Variants in P3H2 observed in about 807,000 individuals in gnomAD.
P3H2 encodes prolyl 3-hydroxylase 2, also known as leprecan-like 1.
A neutral mutation model predicts 87.0 loss-of-function variants in P3H2; 80 were observed. That is an observed-to-expected ratio of 0.92 (90% CI 0.77 to 1.11). The LOEUF (loss-of-function observed/expected upper bound fraction) is 1.11, where lower values mean the gene tolerates loss of function less well. Among genes scored for constraint, P3H2 ranks in the 50% least tolerant of loss-of-function variants. The pLI is 0.00. For synonymous variants in P3H2, 367 were observed against 359.3 expected (o/e 1.02, Z -0.24); for missense variants, 1,001 against 923.9 (o/e 1.08, Z -1.08).
chr3:189,985,223 G>T (rs1407048481), intron 6 of P3H2, among the ~76,000 whole-genome samples: 1 of 151,890 alleles, frequency 6.6e-6, no homozygotes, highest in East Asian at 1.9e-4. Context: ...ATCATTTGAA[G>T]AACTTACATA....
intron 8 of P3H2, among the ~76,000 whole-genome samples, chr3:189,975,646 C>G (rs561331524): frequency 6.6e-6 from 1 of 152,266 alleles, no homozygotes; most frequent in East Asian, 1.9e-4. Flanking sequence ...CCAGGTCTAG[C>G]AAAGGTCACC....
chr3:190,095,756 A>G (rs6783165), intron 1 of P3H2, among the ~76,000 whole-genome samples: 6,227 of 151,858 alleles, frequency 0.041, 322 homozygotes, highest in African/African-American at 0.12. Context: ...GCCCGCCACC[A>G]CGCCTGGCTA....
chr3:189,988,914 G>A lies in P3H2; in HGVS notation c.948C>T (p.Tyr316=). The A allele has an allele frequency of 6.2e-7, 1 of 1,614,080 alleles. No individual in the cohort carries two copies. Among genetic ancestry groups the A allele is most frequent in the African/African-American group, 1.3e-5 (1 of 75,012 alleles). The change falls in exon 4 of 15, where the codon TAC becomes TAT. Residue 316 remains tyrosine (Y), a synonymous_variant. Coordinates refer to ENST00000319332, the MANE Select transcript of P3H2 (RefSeq NM_018192.4). ...GGATGATCCACGCTTTACCTCGATA[G>A]TAGGCAAACTGTAGGTAATCATAGT... ...PLHYDYLQFA[Y]YRVGEYVKAL...
chr3:189,970,669 T>C (rs1211341715), intron 13 of P3H2, 147 bp downstream of exon 13: 8 of 630,754 alleles, frequency 1.3e-5, no homozygotes, highest in African/African-American at 5.5e-5. Context: ...TAACAGTTTA[T>C]GATCTATACA....
Position 190,007,965 on chromosome 3 carries a change from C to CACACATATATATATAT in P3H2, c.481-12524_481-12523insATATATATATATGTGT. Reference sequence around the variant, plus strand: ...GCCTGAGACTCTATTTGTTGACACACATATATATATATATATATATAGTAA... The same window carrying CACACATATATATATAT: ...GCCTGAGACTCTATTTGTTGACACACACACATATATATATATATATATATATATATATATATAGTAA... On this transcript the variant is annotated intron_variant, in intron 1 of 14. Transcript: ENST00000319332. 2.1e-3 allele frequency among the ~76,000 whole-genome samples: 197 copies of CACACATATATATATAT among 94,338 alleles called. 3 individuals carry two copies. Among genetic ancestry groups the CACACATATATATATAT allele is most frequent in the African/African-American group, 7.5e-3 (192 of 25,614 alleles). The allele number at this position is 94,338 out of a possible 152,430, so 61.9% of individuals were successfully genotyped here.
chr3:190,029,302 G>A (rs1401960709), intron 1 of P3H2, among the ~76,000 whole-genome samples: 1 of 152,160 alleles, frequency 6.6e-6, no homozygotes, highest in Non-Finnish European at 1.5e-5. Context: ...TAATTACAAA[G>A]AAGATTTTAA....
intron 1 of P3H2, among the ~76,000 whole-genome samples, chr3:190,080,643 CCT>C (rs1239485218): frequency 6.6e-6 from 1 of 152,048 alleles, no homozygotes; most frequent in Non-Finnish European, 1.5e-5. Context: ...CTCAGGTGAT[CCT>C]CCTGCCTCGG....
chr3:189,966,515 C>T (rs1010885868), intron 13 of P3H2, among the ~76,000 whole-genome samples: 59 of 152,296 alleles, frequency 3.9e-4, no homozygotes, highest in Middle Eastern at 3.4e-3. Flanking sequence ...CATCACACAG[C>T]GAACATCATC....
intron 1 of P3H2, among the ~76,000 whole-genome samples, chr3:190,039,320 TC>T (rs564604194): frequency 1.5e-3 from 191 of 125,948 alleles, no homozygotes; most frequent in African/African-American, 5.4e-3. Context: ...AAATGGCAAC[TC>T]ATGTTTAAAT....
chr3:189,998,140 C>T (rs936898963), intron 1 of P3H2, among the ~76,000 whole-genome samples: 3 of 151,892 alleles, frequency 2.0e-5, no homozygotes, highest in African/African-American at 7.3e-5. Context: ...GAATCTGCTC[C>T]CATTAATGAA....
chr3:190,065,023 T>C (rs1387159930), intron 1 of P3H2, among the ~76,000 whole-genome samples: 1 of 152,110 alleles, frequency 6.6e-6, no homozygotes. Context: ...CTCTCCATAA[T>C]TGGAGGACTC....
intron 1 of P3H2, among the ~76,000 whole-genome samples, chr3:190,068,329 C>T (rs541286416): frequency 4.2e-4 from 64 of 152,206 alleles, no homozygotes; most frequent in African/African-American, 1.4e-3. Context: ...GGAAATCTAC[C>T]TTGTCCCATC....
In P3H2 at chr3:190,013,925, A is replaced by T. The variant is rs76803010; in HGVS notation, c.481-18483T>A. On this transcript the variant is annotated intron_variant, in intron 1 of 14. Transcript: ENST00000319332. Reference sequence around the variant, plus strand: ...ATCAGTAAATGTTAGCTTTGATCTTATTTTTTTTTAAGTAGGAAAAAAGTA... The same window carrying T: ...ATCAGTAAATGTTAGCTTTGATCTTTTTTTTTTTTAAGTAGGAAAAAAGTA... 3.8e-3 allele frequency among the ~76,000 whole-genome samples: 569 copies of T among 151,590 alleles called. 3 individuals are homozygous for T. Among genetic ancestry groups the T allele is most frequent in the African/African-American group, 0.013 (556 of 41,326 alleles).
At chr3:189,997,916 G>T (rs1025853008) in intron 1 of P3H2, among the ~76,000 whole-genome samples, 1 of 152,076 alleles carries the variant, frequency 6.6e-6, no homozygotes, top group African/African-American at 2.4e-5. Flanking sequence ...TGCATTTATT[G>T]GCCAAGTGAA....
At chr3:190,050,493 T>C (rs573634256) in intron 1 of P3H2, among the ~76,000 whole-genome samples, 2 of 152,292 alleles carry the variant, frequency 1.3e-5, no homozygotes, top group African/African-American at 2.4e-5. Flanking sequence ...CTTCTATAGA[T>C]GCAGACTTAG....
intron 1 of P3H2, among the ~76,000 whole-genome samples, chr3:190,119,271 T>A (rs1193054919): frequency 1.3e-5 from 2 of 151,380 alleles, no homozygotes; most frequent in African/African-American, 4.9e-5. Flanking sequence ...GTCCATTGGC[T>A]AGCATGAACA....
intron 1 of P3H2, among the ~76,000 whole-genome samples, chr3:190,087,943 A>G (rs1254962865): frequency 6.6e-6 from 1 of 152,232 alleles, no homozygotes. Flanking sequence ...AATTGGTCCA[A>G]GTGTTCAACA....
intron 1 of P3H2, among the ~76,000 whole-genome samples, chr3:190,095,726 G>C (rs922709678): frequency 1.3e-5 from 2 of 150,912 alleles, no homozygotes; most frequent in African/African-American, 4.9e-5. Flanking sequence ...TCAGCCTCCC[G>C]AGTAGCTGGG....
intron 13 of P3H2, among the ~76,000 whole-genome samples, chr3:189,966,614 T>A (rs975719175): frequency 1.3e-5 from 2 of 152,232 alleles, no homozygotes; most frequent in South Asian, 4.1e-4. Context: ...AAATATGTTA[T>A]GAAGTTTGGA....
Sources: allele counts gnomAD v4.1 joint callset (sites outside exome capture counted in the v4.1 genomes callset), GRCh38; gene constraint gnomAD v4.1.1; transcripts MANE v1.5; gene names NCBI Gene and HGNC (gene_info 2026-07-23, HGNC 2026-07-21).